The following LRP1B variants were observed in gnomAD, a reference collection of about 807,000 sequenced individuals.
LRP1B encodes the protein low-density lipoprotein receptor-related protein 1B.
Under a neutral mutation model 556.6 loss-of-function variants are expected in LRP1B, and 217 were observed. The ratio of observed to expected loss-of-function variants is 0.39; its 90% CI spans 0.35 to 0.44. LRP1B has a LOEUF of 0.44. Among genes scored for constraint, LRP1B ranks in the 20% least tolerant of loss-of-function variants. LRP1B has a pLI of 1.00. For synonymous variants in LRP1B, 2,047 were observed against 1,865.8 expected (o/e 1.10, Z -2.50); for missense variants, 5,053 against 5,620.8 (o/e 0.90, Z 3.23).
chr2:140,655,388 A>G (rs1484219693), intron 41 of LRP1B, among the ~76,000 whole-genome samples: 1 of 152,206 alleles, frequency 6.6e-6, no homozygotes, highest in East Asian at 1.9e-4. Context: ...TGTCACAGAT[A>G]TAAAATATCA....
At chr2:140,988,344 T>C (rs1696988738) in intron 17 of LRP1B, among the ~76,000 whole-genome samples, 1 of 152,054 alleles carries the variant, frequency 6.6e-6, no homozygotes, top group South Asian at 2.1e-4. Context: ...TTGCAAAACA[T>C]TCATTTACTT....
chr2:141,596,765 TA>T, intron 2 of LRP1B, among the ~76,000 whole-genome samples: 1 of 151,956 alleles, frequency 6.6e-6, no homozygotes, highest in Non-Finnish European at 1.5e-5. Flanking sequence ...TACATAGACA[TA>T]AAAAAGGCAG....
chr2:141,985,571 G>T (rs116095343), intron 1 of LRP1B, among the ~76,000 whole-genome samples: 4,090 of 151,802 alleles, frequency 0.027, 72 homozygotes, highest in Middle Eastern at 0.034. Context: ...TATAAATAAT[G>T]AAATAAAAAG....
chr2:141,420,307 T>C (rs1276576528), intron 3 of LRP1B, among the ~76,000 whole-genome samples: 1 of 152,220 alleles, frequency 6.6e-6, no homozygotes, highest in African/African-American at 2.4e-5. Context: ...TATAATATTG[T>C]GTTGGGATAT....
intron 1 of LRP1B, among the ~76,000 whole-genome samples, chr2:141,941,090 A>T (rs1038329101): frequency 2.0e-5 from 3 of 152,248 alleles, no homozygotes; most frequent in Non-Finnish European, 4.4e-5. Flanking sequence ...AGTTAAAAAC[A>T]GATAAGACCA....
intron 2 of LRP1B, among the ~76,000 whole-genome samples, chr2:141,687,899 TTAAA>T (rs1691369337): frequency 7.1e-6 from 1 of 140,354 alleles, no homozygotes; most frequent in Non-Finnish European, 1.5e-5. Context: ...TTGGACATTT[TTAAA>T]TAGAGGGTCT....
chr2:141,950,939 T>C (rs1701089135), intron 1 of LRP1B, among the ~76,000 whole-genome samples: 1 of 152,048 alleles, frequency 6.6e-6, no homozygotes, highest in Admixed American at 6.6e-5. Context: ...TTTGCTTGGT[T>C]GAAGTCTTGG....
Position 140,517,043 on chromosome 2 carries a change from C to T in LRP1B, c.8027-32G>A, listed in dbSNP as rs1428916068. ...TAAAATATGGAATGTCAAACAATTTCATTTTAGACTTCTGAAATATAGGTA... is the reference window on the plus strand; with the variant it reads ...TAAAATATGGAATGTCAAACAATTTTATTTTAGACTTCTGAAATATAGGTA... On this transcript the variant is annotated intron_variant, in intron 49 of 90. Transcript: ENST00000389484. The T allele has an allele frequency of 2.7e-6, 4 of 1,490,246 alleles. No individual in the cohort carries two copies. The South Asian group carries it at 4.5e-5, about 17-fold the overall frequency. 92.3% of individuals were successfully genotyped at this position (1,490,246 alleles called of 1,614,324 possible).
chr2:140,905,818 T>A (rs1694234902), intron 22 of LRP1B, among the ~76,000 whole-genome samples: 1 of 152,136 alleles, frequency 6.6e-6, no homozygotes, highest in African/African-American at 2.4e-5. Context: ...ACTTACTGTT[T>A]TACTAGTTAG....
chr2:140,530,664 T>C (rs973248918), intron 47 of LRP1B, among the ~76,000 whole-genome samples: 1 of 152,178 alleles, frequency 6.6e-6, no homozygotes, highest in African/African-American at 2.4e-5. Context: ...AATTCACTAA[T>C]TTCTATTAAG....
At chr2:140,458,332 C>T (rs16844007) in intron 60 of LRP1B, among the ~76,000 whole-genome samples, 9,820 of 152,100 alleles carry the variant, frequency 0.065, 405 homozygotes, top group African/African-American at 0.08. Context: ...AATTATTCTT[C>T]CTGATGTTTA....
chr2:141,386,298 A>G (rs1292360155), intron 3 of LRP1B, among the ~76,000 whole-genome samples: 8 of 152,186 alleles, frequency 5.3e-5, no homozygotes, highest in Non-Finnish European at 5.9e-5. Flanking sequence ...ATTTTGGATA[A>G]GGAATATTCA....
chr2:141,038,826 T>A (rs1315815467), intron 11 of LRP1B, among the ~76,000 whole-genome samples: 2 of 152,132 alleles, frequency 1.3e-5, no homozygotes, highest in Non-Finnish European at 2.9e-5. Flanking sequence ...TCCATAATGC[T>A]AAGTATGATA....
rs1451744158 is a variant in LRP1B at position 141,098,886 on chromosome 2, A to G, written c.1014-36613T>C. Among the ~76,000 whole-genome samples, 15 of 152,222 alleles carry G rather than the reference A, an allele frequency of 9.9e-5. No individual in the cohort carries two copies. In the East Asian group the frequency reaches 2.3e-3, roughly 24 times the overall value. On this transcript the variant is annotated intron_variant, in intron 7 of 90. Coordinates refer to ENST00000389484, the MANE Select transcript of LRP1B (RefSeq NM_018557.3). ...TGGTCAGGCTGGTCTTGAACTCCCG[A>G]TCTCAGGTAATCCGCCCGCCTCAGC...
At chr2:141,601,725 ACT>A in intron 2 of LRP1B, among the ~76,000 whole-genome samples, 1 of 150,484 alleles carries the variant, frequency 6.6e-6, no homozygotes. Flanking sequence ...CTCACTGCCA[ACT>A]CTGCCTCCCA....
At chr2:141,920,507 A>T (rs771597557) in intron 1 of LRP1B, among the ~76,000 whole-genome samples, 1 of 152,036 alleles carries the variant, frequency 6.6e-6, no homozygotes, top group Admixed American at 6.6e-5. Flanking sequence ...GGTGAACTCA[A>T]TGTGCTGACA....
intron 7 of LRP1B, among the ~76,000 whole-genome samples, chr2:141,091,086 C>A (rs1489570755): frequency 6.6e-6 from 1 of 152,064 alleles, no homozygotes; most frequent in Admixed American, 6.6e-5. Context: ...TTATCATTTT[C>A]TTCTCAAATC....
At chr2:141,266,685 A>G (rs560356656) in intron 3 of LRP1B, among the ~76,000 whole-genome samples, 7 of 152,308 alleles carry the variant, frequency 4.6e-5, no homozygotes, top group African/African-American at 1.4e-4. Flanking sequence ...GAATCTCCAT[A>G]TATAATCATT....
rs183310708 is a variant in LRP1B at position 141,474,013 on chromosome 2, T to A, written c.343+6383A>T. ...TAGCTTTACTAAATTCCTTCCTTCC[T>A]TCCTTCCTTCCTTCCTTCCTTCCTT... is the stretch of plus-strand genomic sequence containing the variant. On this transcript the variant is annotated intron_variant, in intron 3 of 90. Coordinates refer to ENST00000389484, the MANE Select transcript of LRP1B (RefSeq NM_018557.3). Among the ~76,000 whole-genome samples, 248 of 100,954 alleles carry A rather than the reference T, an allele frequency of 2.5e-3. 2 individuals are homozygous for A. Among genetic ancestry groups the A allele is most frequent in the Non-Finnish European group, 2.0e-3 (94 of 47,278 alleles). 66.2% of individuals were successfully genotyped at this position (100,954 alleles called of 152,430 possible).
Sources: gnomAD v4.1 joint callset for allele counts (sites outside exome capture counted in the v4.1 genomes callset) on GRCh38, gnomAD v4.1.1 for gene constraint, MANE v1.5 for transcripts, NCBI Gene and HGNC (gene_info 2026-07-23, HGNC 2026-07-21) for gene names.